The following FREM1 variants were observed in gnomAD, a reference collection of about 807,000 sequenced individuals.
The protein encoded by FREM1 is FRAS1 related extracellular matrix 1, also known as FRAS1-related extracellular matrix protein 1.
Under a neutral mutation model 210.1 loss-of-function variants are expected in FREM1, and 220 were observed. That is an observed-to-expected ratio of 1.05 (90% CI 0.94 to 1.17). The LOEUF (loss-of-function observed/expected upper bound fraction) is 1.17. Ranked by LOEUF, FREM1 falls within the 50% of genes most tolerant of loss-of-function variation. The pLI is 0.00. For missense variants in FREM1, 3,454 were observed against 2,675.5 expected (o/e 1.29, Z -6.42); for synonymous variants, 1,189 against 980.2 (o/e 1.21, Z -3.98).
At chr9:14,847,422 A>AAGGAAGGAAGGAAGGAAGGG (rs1826870807) in intron 7 of FREM1, among the ~76,000 whole-genome samples, 1 of 87,524 alleles carries the variant, frequency 1.1e-5, no homozygotes, top group Non-Finnish European at 2.4e-5. Flanking sequence ...GGAAGGAAGG[A>AAGGAAGGAAGGAAGGAAGGG]AGGAAGGGAG....
At chr9:14,839,450 T>C (rs544268542) in intron 10 of FREM1, among the ~76,000 whole-genome samples, 11 of 151,138 alleles carry the variant, frequency 7.3e-5, no homozygotes, top group Admixed American at 2.1e-4. Context: ...GCCAAAGATA[T>C]ATGGTAATGA....
chr9:14,778,116 AC>A (rs1309872418), intron 24 of FREM1, among the ~76,000 whole-genome samples: 1 of 152,132 alleles, frequency 6.6e-6, no homozygotes, highest in Non-Finnish European at 1.5e-5. Flanking sequence ...CATTTCCCCC[AC>A]AGCAGCATTT....
chr9:14,860,737 A>ACACATATATATG (rs1298429574), intron 3 of FREM1, among the ~76,000 whole-genome samples: 4 of 117,322 alleles, frequency 3.4e-5, no homozygotes, highest in South Asian at 2.4e-4. Context: ...ACACATATAT[A>ACACATATATATG]CACATATATA....
At chr9:14,833,725 G>C (rs1824003639) in intron 10 of FREM1, among the ~76,000 whole-genome samples, 1 of 152,228 alleles carries the variant, frequency 6.6e-6, no homozygotes, top group South Asian at 2.1e-4. Flanking sequence ...GGATATTCAA[G>C]TTAGAGGTAT....
chr9:14,770,435 G>A (rs1847328521), intron 26 of FREM1, among the ~76,000 whole-genome samples, 170 bp downstream of exon 26: 1 of 152,072 alleles, frequency 6.6e-6, no homozygotes, highest in Non-Finnish European at 1.5e-5. Context: ...ATTTAGGAAG[G>A]CTCAGCTTCA....
intron 10 of FREM1, among the ~76,000 whole-genome samples, chr9:14,839,872 A>G (rs562605178): frequency 2.0e-5 from 3 of 152,356 alleles, no homozygotes; most frequent in African/African-American, 7.2e-5. Flanking sequence ...ATTAACTGTT[A>G]CCTTTTTGAA....
At chr9:14,809,809 C>G (rs544331425) in intron 16 of FREM1, among the ~76,000 whole-genome samples, 14 of 152,058 alleles carry the variant, frequency 9.2e-5, no homozygotes, top group Non-Finnish European at 2.1e-4. Flanking sequence ...GTCAAAAGAC[C>G]ACACTATGCG....
At chr9:14,769,289 A>T (rs1375742367) in intron 27 of FREM1, among the ~76,000 whole-genome samples, 1 of 152,186 alleles carries the variant, frequency 6.6e-6, no homozygotes, top group East Asian at 1.9e-4. Context: ...GAAAGAGAAG[A>T]TGTTTGGCTA....
At chr9:14,880,540 G>T (rs1243023595) in intron 1 of FREM1, among the ~76,000 whole-genome samples, 2 of 150,986 alleles carry the variant, frequency 1.3e-5, no homozygotes, top group African/African-American at 2.4e-5. Flanking sequence ...GGAGGCAAAG[G>T]GTGCAGTGGG....
At chr9:14,796,510 C>T (rs1852425927) in intron 21 of FREM1, among the ~76,000 whole-genome samples, 1 of 152,150 alleles carries the variant, frequency 6.6e-6, no homozygotes, top group African/African-American at 2.4e-5. Flanking sequence ...AAACTCTGAG[C>T]ACTTACAGAG....
At chr9:14,791,553 T>C (rs1209090786) in intron 22 of FREM1, among the ~76,000 whole-genome samples, 7 of 152,200 alleles carry the variant, frequency 4.6e-5, no homozygotes, top group African/African-American at 1.7e-4. Context: ...ACTTTGCCCA[T>C]CTGAACCTAA....
chr9:14,740,024 A>G, intron 36 of FREM1, 125 bp downstream of exon 36: 1 of 526,578 alleles, frequency 1.9e-6, no homozygotes, highest in South Asian at 4.2e-5. Context: ...GGCTAGATCT[A>G]TTGGTTGCCT....
chr9:14,896,636 C>G (rs925659794), intron 1 of FREM1, among the ~76,000 whole-genome samples: 1 of 151,986 alleles, frequency 6.6e-6, no homozygotes, highest in Admixed American at 6.6e-5. Context: ...CAACCAGCAG[C>G]TCTCAGTGCT....
At chr9:14,754,701 A>T (rs1843980222) in intron 29 of FREM1, among the ~76,000 whole-genome samples, 1 of 152,152 alleles carries the variant, frequency 6.6e-6, no homozygotes, top group South Asian at 2.1e-4. Flanking sequence ...TGGGAGGCTG[A>T]GGTAGGCAGA....
At chr9:14,755,241 G>A (rs1844106409) in intron 29 of FREM1, among the ~76,000 whole-genome samples, 1 of 152,220 alleles carries the variant, frequency 6.6e-6, no homozygotes, top group South Asian at 2.1e-4. Flanking sequence ...CAAGCATCAT[G>A]CTACTTGCAG....
Position 14,868,812 on chromosome 9 carries a change from C to G in FREM1, c.166G>C (p.Asp56His). Reference protein sequence around the residue: ...DLKFAIPKEKDACKVEVVMNE... With the variant: ...DLKFAIPKEKHACKVEVVMNE... ...ATCACAACTTCCACTTTGCAGGCAT[C>G]TTTCTCTTTAGGGATGGCAAACTTC... is the stretch of plus-strand genomic sequence containing the variant. The change falls in exon 2 of 37, where the codon GAT (aspartate) becomes CAT (histidine). Residue 56 changes from aspartate (D) to histidine (H), a missense_variant. Transcript: ENST00000380880. 1 of 1,613,086 alleles carries G rather than the reference C, an allele frequency of 6.2e-7. No homozygotes were observed. Among genetic ancestry groups the G allele is most frequent in the Non-Finnish European group, 8.5e-7 (1 of 1,179,500 alleles).
intron 13 of FREM1, among the ~76,000 whole-genome samples, chr9:14,820,012 T>C (rs1821005461): frequency 6.6e-6 from 1 of 152,198 alleles, no homozygotes; most frequent in Non-Finnish European, 1.5e-5. Flanking sequence ...AACATTAGAC[T>C]TAAATATTAA....
intron 6 of FREM1, among the ~76,000 whole-genome samples, chr9:14,850,686 A>C (rs1374258245): frequency 2.6e-5 from 4 of 152,178 alleles, no homozygotes; most frequent in Non-Finnish European, 5.9e-5. Flanking sequence ...TATGTAACAC[A>C]CCTGCACATC....
At chr9:14,811,916 C>T (rs1028565376) in intron 16 of FREM1, among the ~76,000 whole-genome samples, 10 of 152,168 alleles carry the variant, frequency 6.6e-5, no homozygotes, top group African/African-American at 2.4e-4. Context: ...TTTAAAGAGG[C>T]ATATGGATGA....
Sources: gnomAD v4.1 joint callset for allele counts (sites outside exome capture counted in the v4.1 genomes callset) on GRCh38, gnomAD v4.1.1 for gene constraint, MANE v1.5 for transcripts, NCBI Gene and HGNC (gene_info 2026-07-23, HGNC 2026-07-21) for gene names.